Variants in MYT1 observed in about 807,000 individuals in gnomAD.
The protein encoded by MYT1 is myelin transcription factor 1.
In MYT1, 23 loss-of-function variants were observed where a neutral mutation model predicts 123.0. The ratio of observed to expected loss-of-function variants is 0.19; its 90% CI spans 0.13 to 0.26. The LOEUF (loss-of-function observed/expected upper bound fraction) is 0.26, where lower values mean the gene tolerates loss of function less well. Ranked by LOEUF, MYT1 falls within the 10% of genes least tolerant of loss-of-function variation. MYT1 has a pLI of 1.00. For synonymous variants in MYT1, 518 were observed against 575.3 expected (o/e 0.90, Z 1.43); for missense variants, 1,125 against 1,472.5 (o/e 0.76, Z 3.86).
intron 16 of MYT1, among the ~76,000 whole-genome samples, chr20:64,227,007 C>A: frequency 6.6e-6 from 1 of 152,262 alleles, no homozygotes. Context: ...CTCAGATATG[C>A]TCTGAATGCC....
chr20:64,172,957 G>A (rs1332254312), intron 1 of MYT1, among the ~76,000 whole-genome samples: 1 of 151,914 alleles, frequency 6.6e-6, no homozygotes, highest in Non-Finnish European at 1.5e-5. Flanking sequence ...TTTAACTCCT[G>A]CCCTCAAGTG....
chr20:64,225,465 G>A (rs751480682), intron 16 of MYT1, among the ~76,000 whole-genome samples: 8 of 152,220 alleles, frequency 5.3e-5, no homozygotes, highest in African/African-American at 1.7e-4. Context: ...GGACATGGCC[G>A]CCTCGGGCCA....
intron 8 of MYT1, 95 bp downstream of exon 8, chr20:64,211,435 G>T: frequency 7.7e-7 from 1 of 1,295,800 alleles, no homozygotes; most frequent in Non-Finnish European, 1.1e-6. Context: ...GGCCTGCCCA[G>T]GGCCATAACC....
chr20:64,185,337 G>C lies in MYT1; in HGVS notation c.-98-4726G>C, dbSNP rs1982769805. Among the ~76,000 whole-genome samples the C allele has an allele frequency of 6.6e-6, 1 of 152,172 alleles. No homozygotes were observed. ...CTGGAGACGGAGGAGGGCTGAGGGG[G>C]TGCATGGGAGAATGGAGGTGTGGGC... is the stretch of plus-strand genomic sequence containing the variant. On this transcript the variant is annotated intron_variant, in intron 1 of 22. Coordinates refer to ENST00000328439, the MANE Select transcript of MYT1 (RefSeq NM_004535.3). The surrounding 1 kb of genome is among the most constrained non-coding windows in gnomAD (Gnocchi z 4.5).
chr20:64,216,337 C>T (rs1302217216), intron 10 of MYT1, among the ~76,000 whole-genome samples: 1 of 152,212 alleles, frequency 6.6e-6, no homozygotes, highest in African/African-American at 2.4e-5. Flanking sequence ...GTCTTCCTGC[C>T]CCTGTGCCTT....
chr20:64,205,860 C>T (rs1983477584), intron 6 of MYT1, 60 bp downstream of exon 6: 6 of 1,584,796 alleles, frequency 3.8e-6, no homozygotes, highest in Middle Eastern at 1.7e-4. Context: ...TGGAGAATTG[C>T]AGCCTGTGAG....
Position 64,212,514 on chromosome 20 carries a change from G to A in MYT1, c.1517+376G>A, listed in dbSNP as rs978341973. Reference sequence around the variant, plus strand: ...TGCTGCCTTAACCCTACGAGCTCCCGAGAGAGCAGGGGGCGGCCTGCAGAG... The same window carrying A: ...TGCTGCCTTAACCCTACGAGCTCCCAAGAGAGCAGGGGGCGGCCTGCAGAG... On this transcript the variant is annotated intron_variant, in intron 9 of 22. Coordinates refer to ENST00000328439, the MANE Select transcript of MYT1 (RefSeq NM_004535.3). The surrounding 1 kb of genome is among the most constrained non-coding windows in gnomAD (Gnocchi z 6.8). 1.3e-5 allele frequency among the ~76,000 whole-genome samples: 2 copies of A among 152,176 alleles called. No homozygotes were observed. Among genetic ancestry groups the A allele is most frequent in the African/African-American group, 4.8e-5 (2 of 41,438 alleles).
chr20:64,215,973 C>T (rs1379151093), intron 10 of MYT1, among the ~76,000 whole-genome samples: 1 of 152,128 alleles, frequency 6.6e-6, no homozygotes, highest in Non-Finnish European at 1.5e-5. Context: ...GGGTCAGGAT[C>T]CATCCTGGGG....
intron 21 of MYT1, among the ~76,000 whole-genome samples, chr20:64,238,995 C>T (rs1984634927): frequency 1.3e-5 from 2 of 152,280 alleles, no homozygotes; most frequent in South Asian, 2.1e-4. Flanking sequence ...CGTGCTTGAC[C>T]CCATCCACAG....
chr20:64,234,920 C>A (rs1400161361), intron 19 of MYT1, among the ~76,000 whole-genome samples: 41 of 142,760 alleles, frequency 2.9e-4, no homozygotes, highest in Non-Finnish European at 4.8e-4. Flanking sequence ...GGTGGGTGAC[C>A]CTTGGCTGGC....
Position 64,212,323 on chromosome 20 carries a change from GC to G in MYT1, c.1517+188del, listed in dbSNP as rs1235562275. Among the ~76,000 whole-genome samples the G allele has an allele frequency of 2.0e-5, 3 of 152,166 alleles. No homozygotes were observed. Among genetic ancestry groups the G allele is most frequent in the African/African-American group, 7.2e-5 (3 of 41,434 alleles). ...CTGTGTGTCCCTGCCTGGGCCGTGA[GC>G]CCGTGACCTGGGACGGGGCTCTGGC... On this transcript the variant is annotated intron_variant, in intron 9 of 22. Transcript: ENST00000328439. The surrounding 1 kb of genome is among the most constrained non-coding windows in gnomAD (Gnocchi z 6.8).
chr20:64,210,196 C>A (rs992737341), intron 7 of MYT1, among the ~76,000 whole-genome samples: 1 of 152,204 alleles, frequency 6.6e-6, no homozygotes, highest in Admixed American at 6.5e-5. Context: ...AGGCATCCTG[C>A]CTTCAGGGAT....
At position 64,224,109 on chromosome 20, in the gene MYT1, G is replaced by T. The variant is rs534682207; in HGVS notation, c.2528+750G>T. ...GTTTTCATGCCTCCAGTTGTGCTGTGACTCCTCAGCCTGTGTGACCCTGAG... is the reference window on the plus strand; with the variant it reads ...GTTTTCATGCCTCCAGTTGTGCTGTTACTCCTCAGCCTGTGTGACCCTGAG... On this transcript the variant is annotated intron_variant, in intron 16 of 22. Coordinates refer to ENST00000328439, the MANE Select transcript of MYT1 (RefSeq NM_004535.3). Among the ~76,000 whole-genome samples the T allele has an allele frequency of 2.0e-5, 3 of 152,334 alleles. No homozygotes were observed. In the East Asian group the frequency reaches 5.8e-4, roughly 29 times the overall value.
At chr20:64,207,571 A>G in intron 6 of MYT1, 23 bp from the exon 7 acceptor site, 1 of 1,602,204 alleles carries the variant, frequency 6.2e-7, no homozygotes, top group Non-Finnish European at 8.5e-7. Context: ...TCTGGCCCCC[A>G]CGTTGATTTT....
chr20:64,186,850 T>C lies in MYT1; in HGVS notation c.-98-3213T>C, dbSNP rs1982818035. Among the ~76,000 whole-genome samples, 1 of 136,810 alleles carries C rather than the reference T, an allele frequency of 7.3e-6. No individual in the cohort carries two copies. Among genetic ancestry groups the C allele is most frequent in the Non-Finnish European group, 1.5e-5 (1 of 65,198 alleles). The allele number at this position is 136,810 out of a possible 152,430, so 89.8% of individuals were successfully genotyped here. A position where few individuals can be genotyped will look rare whatever the true frequency, so the allele number is the denominator to read the frequency against. ...CCACGTTTCCGTGGAGAGTTTCCTG[T>C]AGCACGTGGCTCCGGCATCCACGTT... is the stretch of plus-strand genomic sequence containing the variant. On this transcript the variant is annotated intron_variant, in intron 1 of 22. Coordinates refer to ENST00000328439, the MANE Select transcript of MYT1 (RefSeq NM_004535.3). This position sits in a 1 kb window ranked among gnomAD's most constrained non-coding sequence, Gnocchi z 4.3.
At chr20:64,211,911 G>T (rs1158688854) in intron 8 of MYT1, 137 bp from the exon 9 acceptor site, 2 of 713,170 alleles carry the variant, frequency 2.8e-6, no homozygotes, top group South Asian at 3.2e-5. Context: ...CTGCGTTGCT[G>T]TGTCCCCCAC....
chr20:64,205,011 C>T (rs540362394), intron 4 of MYT1, 24 bp from the exon 5 acceptor site: 24 of 1,613,380 alleles, frequency 1.5e-5, no homozygotes, highest in Non-Finnish European at 2.0e-5. Context: ...CCTGATGTGG[C>T]CTTGCCTTTT....
chr20:64,224,977 T>G (rs1984126315), intron 16 of MYT1, among the ~76,000 whole-genome samples: 1 of 152,166 alleles, frequency 6.6e-6, no homozygotes, highest in Admixed American at 6.5e-5. Flanking sequence ...TAAGAGCCTG[T>G]GAAGAACCTT....
chr20:64,219,377 G>A (rs1350127715), intron 12 of MYT1, among the ~76,000 whole-genome samples: 5 of 152,208 alleles, frequency 3.3e-5, no homozygotes, highest in East Asian at 1.9e-4. Flanking sequence ...ACTCCAGGGC[G>A]GTGCACGTGC....
Sources: allele counts gnomAD v4.1 joint callset (sites outside exome capture counted in the v4.1 genomes callset), GRCh38; gene constraint gnomAD v4.1.1; non-coding constraint Gnocchi (gnomAD v3.1); transcripts MANE v1.5; gene names NCBI Gene and HGNC (gene_info 2026-07-23, HGNC 2026-07-21).